Variants in RBM47 observed in about 807,000 individuals in gnomAD.
RBM47 encodes the protein RNA-binding protein 47.
A neutral mutation model predicts 47.1 loss-of-function variants in RBM47; 21 were observed. The ratio of observed to expected loss-of-function variants is 0.45; its 90% CI spans 0.32 to 0.64. The LOEUF (loss-of-function observed/expected upper bound fraction) is 0.64, where lower values mean the gene tolerates loss of function less well. Among genes scored for constraint, RBM47 ranks in the 30% least tolerant of loss-of-function variants. RBM47 has a pLI of 0.05. For missense variants in RBM47, 708 were observed against 870.9 expected, an observed-to-expected ratio of 0.81 and a Z score of 2.35; for synonymous variants, 375 against 361.7, an observed-to-expected ratio of 1.04 and a Z score of -0.42.
At position 40,438,627 on chromosome 4, in the gene RBM47, G is replaced by C. The variant is rs375620057; in HGVS notation, c.267C>G (p.Pro89=). 86 of 1,613,328 alleles carry C rather than the reference G, an allele frequency of 5.3e-5. No homozygotes were observed. Among genetic ancestry groups the C allele is most frequent in the Non-Finnish European group, 6.6e-5 (78 of 1,179,668 alleles). The part of the protein sequence containing the change: ...PRDVYEDELV[P]VFEAVGRIYE... Reference sequence around the variant, plus strand: ...AGATGCGGCCCACGGCCTCGAACACGGGCACCAGCTCGTCCTCGTACACGT... The same window carrying C: ...AGATGCGGCCCACGGCCTCGAACACCGGCACCAGCTCGTCCTCGTACACGT... Residue 89 remains proline (P), a synonymous_variant, in exon 4 of 7, where the codon CCC becomes CCG. Transcript: ENST00000295971.
intron 3 of RBM47, among the ~76,000 whole-genome samples, chr4:40,456,894 C>A (rs569191890): frequency 1.3e-5 from 2 of 152,152 alleles, no homozygotes; most frequent in South Asian, 4.2e-4. Context: ...CCAACACGCC[C>A]GGCCAGCCTC....
chr4:40,469,434 T>TG (rs1491136203), intron 2 of RBM47, among the ~76,000 whole-genome samples: 1 of 42,582 alleles, frequency 2.3e-5, no homozygotes, highest in Non-Finnish European at 4.7e-5. Context: ...CATTCCATAA[T>TG]TTTTTTTTTT....
intron 2 of RBM47, among the ~76,000 whole-genome samples, chr4:40,542,371 TTAATG>T (rs1333589305): frequency 6.6e-6 from 1 of 152,138 alleles, no homozygotes; most frequent in Non-Finnish European, 1.5e-5. Flanking sequence ...CAAAGGCTGT[TTAATG>T]TAGCCACTGC....
intron 2 of RBM47, among the ~76,000 whole-genome samples, chr4:40,471,780 C>A (rs1387522623): frequency 6.6e-6 from 1 of 152,054 alleles, no homozygotes; most frequent in Non-Finnish European, 1.5e-5. Flanking sequence ...AAGTTTGTAT[C>A]CTTTGTAAGG....
At chr4:40,503,129 T>C (rs1323983085) in intron 2 of RBM47, among the ~76,000 whole-genome samples, 1 of 152,180 alleles carries the variant, frequency 6.6e-6, no homozygotes, top group Non-Finnish European at 1.5e-5. Context: ...TCACTTCCTG[T>C]CTTTGAAACA....
chr4:40,565,975 G>A (rs528151117), intron 1 of RBM47, among the ~76,000 whole-genome samples: 1 of 152,204 alleles, frequency 6.6e-6, no homozygotes, highest in Non-Finnish European at 1.5e-5. Context: ...GGCTGAGGCA[G>A]GAGGATCACT....
At chr4:40,543,290 T>C (rs1041451912) in intron 2 of RBM47, 2 of 152,002 alleles carry the variant, frequency 1.3e-5, no homozygotes, top group Non-Finnish European at 2.9e-5. Flanking sequence ...GCATGGAGTG[T>C]TTTCATTGCA....
chr4:40,463,413 A>C (rs554644109), intron 3 of RBM47, among the ~76,000 whole-genome samples: 1 of 152,194 alleles, frequency 6.6e-6, no homozygotes. Context: ...ACCCTTGTGC[A>C]CTGCTGGTGG....
At chr4:40,615,540 G>T (rs1289048932) in intron 1 of RBM47, among the ~76,000 whole-genome samples, 1 of 152,030 alleles carries the variant, frequency 6.6e-6, no homozygotes, top group Non-Finnish European at 1.5e-5. Flanking sequence ...CAGCACTTTT[G>T]GAGGCCAAAG....
At chr4:40,562,245 G>A (rs1003576129) in intron 1 of RBM47, among the ~76,000 whole-genome samples, 5 of 152,070 alleles carry the variant, frequency 3.3e-5, no homozygotes, top group African/African-American at 4.8e-5. Context: ...AGAAAAATGT[G>A]TCTCTCAGAA....
chr4:40,564,434 G>A (rs941324299), intron 1 of RBM47, among the ~76,000 whole-genome samples: 4 of 152,222 alleles, frequency 2.6e-5, no homozygotes, highest in African/African-American at 9.6e-5. Flanking sequence ...ACCCAGGAAA[G>A]CTACTTAAGT....
chr4:40,496,329 A>AACACACACACAC (rs10597716), intron 2 of RBM47, among the ~76,000 whole-genome samples: 19 of 129,298 alleles, frequency 1.5e-4, no homozygotes, highest in East Asian at 9.0e-4. Flanking sequence ...GGAGAACTTA[A>AACACACACACAC]ACACACACAC....
intron 2 of RBM47, among the ~76,000 whole-genome samples, chr4:40,521,686 T>C (rs1458742572): frequency 1.3e-5 from 2 of 152,130 alleles, no homozygotes; most frequent in Non-Finnish European, 2.9e-5. Context: ...GACTTGAATA[T>C]TTGGCAGACC....
chr4:40,505,258 A>G (rs1723936500), intron 2 of RBM47, among the ~76,000 whole-genome samples: 1 of 150,458 alleles, frequency 6.6e-6, no homozygotes, highest in African/African-American at 2.4e-5. Context: ...GGAGGCTGAG[A>G]TGGGTGGCTG....
intron 1 of RBM47, among the ~76,000 whole-genome samples, chr4:40,581,733 A>AGTGCGTGTGTG (rs1553904749): frequency 1.3e-5 from 2 of 151,058 alleles, no homozygotes; most frequent in Non-Finnish European, 1.5e-5. Context: ...GGTGTGTGTG[A>AGTGCGTGTGTG]AGAGAGGCTG....
At chr4:40,613,479 G>A (rs1408895556) in intron 1 of RBM47, among the ~76,000 whole-genome samples, 1 of 152,146 alleles carries the variant, frequency 6.6e-6, no homozygotes, top group Non-Finnish European at 1.5e-5. Context: ...AATAAACTAC[G>A]AAATGACTTT....
intron 1 of RBM47, among the ~76,000 whole-genome samples, chr4:40,550,084 C>G (rs1315873681): frequency 1.3e-5 from 2 of 152,176 alleles, no homozygotes; most frequent in African/African-American, 4.8e-5. Context: ...TAACCACCAC[C>G]ACAGCCACAA....
At chr4:40,593,050 C>T (rs1336196582) in intron 1 of RBM47, among the ~76,000 whole-genome samples, 3 of 118,028 alleles carry the variant, frequency 2.5e-5, no homozygotes, top group South Asian at 3.1e-4. Context: ...GGCTGGAGTC[C>T]GGTGGCGCGA....
chr4:40,475,469 T>C (rs1040536490), intron 2 of RBM47, among the ~76,000 whole-genome samples: 4 of 152,212 alleles, frequency 2.6e-5, no homozygotes, highest in Non-Finnish European at 4.4e-5. Context: ...GAAAAACTCA[T>C]TTTTTAGAAA....
Sources: allele counts gnomAD v4.1 joint callset (sites outside exome capture counted in the v4.1 genomes callset), GRCh38; gene constraint gnomAD v4.1.1; transcripts MANE v1.5; gene names NCBI Gene and HGNC (gene_info 2026-07-23, HGNC 2026-07-21).